KDELR2: variants seen among roughly 807,000 people sequenced by gnomAD.
The protein encoded by KDELR2 is ER lumen protein-retaining receptor 2.
In KDELR2, 15 loss-of-function variants were observed where a neutral mutation model predicts 23.9. The observed-to-expected ratio is 0.63, with a 90% CI of 0.42 to 0.97. The LOEUF is 0.97. Ranked by LOEUF, KDELR2 falls within the 50% of genes least tolerant of loss-of-function variation. KDELR2 has a pLI of 0.00. For missense variants in KDELR2, 272 were observed against 254.6 expected, an observed-to-expected ratio of 1.07 and a Z score of -0.46; for synonymous variants, 119 against 106.2, an observed-to-expected ratio of 1.12 and a Z score of -0.74.
At chr7:6,474,147 G>T in intron 2 of KDELR2, 37 bp downstream of exon 2, 2 of 1,249,848 alleles carry the variant, frequency 1.6e-6, no homozygotes, top group Non-Finnish European at 2.4e-6. Context: ...CCTGTGCACT[G>T]TAGATGAAAT....
At chr7:6,477,495 A>G (rs1042390704) in intron 1 of KDELR2, among the ~76,000 whole-genome samples, 2 of 152,204 alleles carry the variant, frequency 1.3e-5, no homozygotes, top group Non-Finnish European at 2.9e-5. Flanking sequence ...TTACCAGGTA[A>G]TAAGATCTCC....
rs534327898 is a variant in KDELR2 at position 6,482,059 on chromosome 7, A to G, written c.91+1908T>C. On this transcript the variant is annotated intron_variant, in intron 1 of 4. Coordinates refer to ENST00000258739, the MANE Select transcript of KDELR2 (RefSeq NM_006854.4). ...CTCTCGTTGCCCAGGCTGGAGTGCAATGGCGCGATCTCAGCTCACCGCAAT... is the reference window on the plus strand; with the variant it reads ...CTCTCGTTGCCCAGGCTGGAGTGCAGTGGCGCGATCTCAGCTCACCGCAAT... Among the ~76,000 whole-genome samples the G allele has an allele frequency of 1.2e-3, 178 of 152,126 alleles. 2 individuals are homozygous for G. The highest frequency in any genetic ancestry group is 5.5e-3 in the Admixed American group (84 of 15,262).
At chr7:6,464,152 G>A (rs1363967975) in intron 4 of KDELR2, among the ~76,000 whole-genome samples, 1 of 133,812 alleles carries the variant, frequency 7.5e-6, no homozygotes, top group African/African-American at 2.9e-5. Context: ...AGCCAAGATT[G>A]TACCATTGCA....
At chr7:6,480,909 T>C (rs1415428132) in intron 1 of KDELR2, among the ~76,000 whole-genome samples, 1 of 152,146 alleles carries the variant, frequency 6.6e-6, no homozygotes, top group African/African-American at 2.4e-5. Context: ...ACAGAAATCA[T>C]CCTAAGTCTG....
intron 1 of KDELR2, among the ~76,000 whole-genome samples, chr7:6,479,734 C>T (rs1005189983): frequency 2.6e-5 from 4 of 152,214 alleles, no homozygotes; most frequent in Non-Finnish European, 5.9e-5. Context: ...GCCTTGGCCT[C>T]CCAAAGTCCT....
intron 2 of KDELR2, among the ~76,000 whole-genome samples, chr7:6,473,262 T>G (rs1785691014): frequency 6.6e-6 from 1 of 151,926 alleles, no homozygotes; most frequent in African/African-American, 2.4e-5. Flanking sequence ...TCTTATACTT[T>G]TCCTTTGTGG....
chr7:6,475,444 A>T (rs1274235350), intron 1 of KDELR2, among the ~76,000 whole-genome samples: 4 of 152,182 alleles, frequency 2.6e-5, no homozygotes. Flanking sequence ...AATTAATTAC[A>T]ATAAAATAGA....
intron 3 of KDELR2, among the ~76,000 whole-genome samples, chr7:6,467,115 G>A (rs898093860): frequency 2.6e-5 from 4 of 152,100 alleles, no homozygotes; most frequent in Non-Finnish European, 1.5e-5. Flanking sequence ...TGTCTCTCCA[G>A]GTTTATTCTT....
intron 3 of KDELR2, 114 bp downstream of exon 3, chr7:6,469,482 C>G (rs769609143): frequency 3.3e-5 from 32 of 960,720 alleles, no homozygotes; most frequent in Non-Finnish European, 4.1e-5. Context: ...GTCTCGAACT[C>G]CTGACCTCAT....
chr7:6,481,365 CAAA>C (rs11388243), intron 1 of KDELR2, among the ~76,000 whole-genome samples: 3 of 117,676 alleles, frequency 2.5e-5, no homozygotes, highest in African/African-American at 6.7e-5. Context: ...AAGTTCATCT[CAAA>C]AAAAAAAAAA....
chr7:6,483,889 G>T, intron 1 of KDELR2, 78 bp downstream of exon 1: 3 of 1,182,928 alleles, frequency 2.5e-6, no homozygotes, highest in Non-Finnish European at 3.3e-6. Flanking sequence ...CGAGCCGTGG[G>T]GTGGCCGAGG....
At chr7:6,481,246 G>A (rs980720655) in intron 1 of KDELR2, among the ~76,000 whole-genome samples, 1 of 151,642 alleles carries the variant, frequency 6.6e-6, no homozygotes, top group African/African-American at 2.4e-5. Context: ...GCAAGCGCCT[G>A]TAGTCCCAGC....
At chr7:6,475,518 C>T (rs1583319682) in intron 1 of KDELR2, among the ~76,000 whole-genome samples, 1 of 152,286 alleles carries the variant, frequency 6.6e-6, no homozygotes, top group Admixed American at 6.5e-5. Context: ...TATGAACCCA[C>T]AACTACAGCT....
At chr7:6,483,737 C>T (rs1473786464) in intron 1 of KDELR2, among the ~76,000 whole-genome samples, 1 of 152,188 alleles carries the variant, frequency 6.6e-6, no homozygotes, top group Non-Finnish European at 1.5e-5. Flanking sequence ...CTCAAGTTCA[C>T]GCGGGGACCG....
At chr7:6,463,378 C>T (rs1186882295) in intron 4 of KDELR2, among the ~76,000 whole-genome samples, 2 of 152,042 alleles carry the variant, frequency 1.3e-5, no homozygotes, top group East Asian at 1.9e-4. Context: ...ATGACTTTCA[C>T]CCTAATCAAT....
chr7:6,466,025 A>G, intron 4 of KDELR2, 46 bp downstream of exon 4: 1 of 1,600,588 alleles, frequency 6.2e-7, no homozygotes, highest in South Asian at 1.1e-5. Context: ...GGCACTCCTA[A>G]AAGAACACGT....
intron 1 of KDELR2, chr7:6,482,621 G>C (rs1785925419): frequency 6.5e-6 from 3 of 463,432 alleles, no homozygotes; most frequent in Non-Finnish European, 1.3e-5. Context: ...ATGTAAGTGT[G>C]ACTTTAGACG....
At chr7:6,469,543 G>T in intron 3 of KDELR2, 53 bp downstream of exon 3, 2 of 1,558,874 alleles carry the variant, frequency 1.3e-6, no homozygotes, top group Non-Finnish European at 1.7e-6. Flanking sequence ...CAAAATGCTG[G>T]GATTACAGGC....
rs1245977607 is a variant in KDELR2, at chr7:6,462,853, T to C, written c.*288A>G. 4 of 946,950 alleles carry C rather than the reference T, an allele frequency of 4.2e-6. No homozygotes were observed. The African/African-American group carries it at 6.7e-5, about 16-fold the overall frequency. The allele number at this position is 946,950 out of a possible 1,614,324, so 58.7% of individuals were successfully genotyped here. A position where few individuals can be genotyped will look rare whatever the true frequency, so the allele number is the denominator to read the frequency against. On this transcript the variant is annotated 3_prime_UTR_variant, in exon 5 of 5. Coordinates refer to ENST00000258739, the MANE Select transcript of KDELR2 (RefSeq NM_006854.4). ...CACTTATTCCTCACAAAATCTTCAC[T>C]TTTGGAACTATCCCAATTGAAGCTA... is the stretch of plus-strand genomic sequence containing the variant.
Sources: allele counts gnomAD v4.1 joint callset (sites outside exome capture counted in the v4.1 genomes callset), GRCh38; gene constraint gnomAD v4.1.1; transcripts MANE v1.5; gene names NCBI Gene and HGNC (gene_info 2026-07-23, HGNC 2026-07-21).